The following CERS6 variants were observed in gnomAD, a reference collection of about 807,000 sequenced individuals.
CERS6 encodes ceramide synthase 6.
CERS6 carries 26 observed loss-of-function variants against 56.8 expected under a neutral mutation model. The ratio of observed to expected loss-of-function variants is 0.46; its 90% CI spans 0.34 to 0.63. The LOEUF is 0.63. Ranked by LOEUF, CERS6 falls within the 30% of genes least tolerant of loss-of-function variation. The pLI is 0.01. For missense variants in CERS6, 415 were observed against 467.5 expected, an observed-to-expected ratio of 0.89 and a Z score of 1.04; for synonymous variants, 164 against 173.3, an observed-to-expected ratio of 0.95 and a Z score of 0.42.
At chr2:168,722,797 G>T (rs1683219305) in intron 8 of CERS6, among the ~76,000 whole-genome samples, 1 of 152,176 alleles carries the variant, frequency 6.6e-6, no homozygotes, top group South Asian at 2.1e-4. Flanking sequence ...ATCCAAGGGA[G>T]TGTTGATTAT....
intron 3 of CERS6, among the ~76,000 whole-genome samples, chr2:168,592,160 T>C (rs555911833): frequency 4.0e-4 from 61 of 152,290 alleles, no homozygotes; most frequent in African/African-American, 1.4e-3. Context: ...CCAAAAGCCA[T>C]AGGGCTTCAA....
chr2:168,599,264 C>T (rs1026367810), intron 3 of CERS6, among the ~76,000 whole-genome samples: 1 of 152,176 alleles, frequency 6.6e-6, no homozygotes, highest in Non-Finnish European at 1.5e-5. Flanking sequence ...CCCCAATCCT[C>T]TCACATCCTA....
chr2:168,759,090 T>G (rs1684494647), intron 8 of CERS6, among the ~76,000 whole-genome samples: 1 of 152,122 alleles, frequency 6.6e-6, no homozygotes, highest in South Asian at 2.1e-4. Context: ...CATGGCCAAA[T>G]TAAATCTTAG....
intron 1 of CERS6, among the ~76,000 whole-genome samples, chr2:168,496,651 T>A (rs1161908913): frequency 6.6e-6 from 1 of 152,194 alleles, no homozygotes; most frequent in Non-Finnish European, 1.5e-5. Context: ...TAATTTTTTT[T>A]AATAAACCTG....
At chr2:168,479,375 T>A (rs1250636232) in intron 1 of CERS6, among the ~76,000 whole-genome samples, 1 of 152,140 alleles carries the variant, frequency 6.6e-6, no homozygotes, top group African/African-American at 2.4e-5. Context: ...TAGATATGCA[T>A]GTGTGTGTGT....
At chr2:168,607,482 A>G (rs1684080314) in intron 3 of CERS6, among the ~76,000 whole-genome samples, 1 of 152,166 alleles carries the variant, frequency 6.6e-6, no homozygotes. Context: ...CCCTGGTTCA[A>G]GCGATTCTCC....
intron 1 of CERS6, among the ~76,000 whole-genome samples, chr2:168,473,308 AC>A (rs905838427): frequency 4.6e-5 from 7 of 151,996 alleles, no homozygotes; most frequent in Non-Finnish European, 8.8e-5. Flanking sequence ...AAAAAAATTT[AC>A]CCTTTTATTG....
intron 1 of CERS6, among the ~76,000 whole-genome samples, chr2:168,514,479 C>T (rs1694851345): frequency 6.6e-6 from 1 of 152,180 alleles, no homozygotes; most frequent in Non-Finnish European, 1.5e-5. Flanking sequence ...TCCTGGGGGA[C>T]CCCACCTTCC....
At chr2:168,509,063 A>G (rs768483695) in intron 1 of CERS6, among the ~76,000 whole-genome samples, 1 of 152,112 alleles carries the variant, frequency 6.6e-6, no homozygotes, top group Non-Finnish European at 1.5e-5. Context: ...TTGTGTACTC[A>G]TACTGGCTAC....
chr2:168,753,753 T>A (rs1400136341), intron 8 of CERS6, among the ~76,000 whole-genome samples: 2 of 152,230 alleles, frequency 1.3e-5, no homozygotes, highest in Non-Finnish European at 2.9e-5. Flanking sequence ...CTTGTCAATA[T>A]TTAAATAAAA....
chr2:168,757,357 GAAA>G (rs11332737), intron 8 of CERS6, among the ~76,000 whole-genome samples: 2 of 113,150 alleles, frequency 1.8e-5, no homozygotes, highest in Non-Finnish European at 3.8e-5. Flanking sequence ...ACTTTTGGAG[GAAA>G]AAAAAAAAAA....
intron 1 of CERS6, among the ~76,000 whole-genome samples, chr2:168,487,549 C>T (rs1694297030): frequency 6.6e-6 from 1 of 152,206 alleles, no homozygotes. Context: ...TTATAAGTCT[C>T]ATACAATTAT....
At chr2:168,523,527 G>A (rs1695020360) in intron 1 of CERS6, among the ~76,000 whole-genome samples, 1 of 152,114 alleles carries the variant, frequency 6.6e-6, no homozygotes, top group South Asian at 2.1e-4. Context: ...GCCACACTGT[G>A]TACGACAGTG....
intron 4 of CERS6, among the ~76,000 whole-genome samples, chr2:168,645,140 TATAG>T (rs1207569525): frequency 1.7e-4 from 4 of 23,642 alleles, no homozygotes; most frequent in Admixed American, 1.3e-3. Context: ...TATATATATA[TATAG>T]AGAGAGAGAG....
At chr2:168,719,724 A>G (rs1408815040) in intron 8 of CERS6, among the ~76,000 whole-genome samples, 3 of 152,188 alleles carry the variant, frequency 2.0e-5, no homozygotes, top group East Asian at 3.8e-4. Context: ...AGCATACACC[A>G]TGATTAGCCT....
At chr2:168,459,885 G>A (rs1280925036) in intron 1 of CERS6, among the ~76,000 whole-genome samples, 1 of 152,142 alleles carries the variant, frequency 6.6e-6, no homozygotes, top group Non-Finnish European at 1.5e-5. Context: ...TGTGGAAATT[G>A]TGCTGAATCT....
chr2:168,589,854 C>T (rs1279439001), intron 3 of CERS6, among the ~76,000 whole-genome samples: 1 of 152,180 alleles, frequency 6.6e-6, no homozygotes, highest in East Asian at 1.9e-4. Flanking sequence ...TTCTTATGTG[C>T]ATATTTTATA....
intron 1 of CERS6, among the ~76,000 whole-genome samples, chr2:168,519,945 G>T (rs1694948294): frequency 2.6e-5 from 4 of 152,216 alleles, no homozygotes; most frequent in Admixed American, 2.6e-4. Context: ...TATTTACCCA[G>T]TTATAGGATT....
chr2:168,478,801 T>C (rs1195717167), intron 1 of CERS6, among the ~76,000 whole-genome samples: 2 of 152,240 alleles, frequency 1.3e-5, no homozygotes, highest in South Asian at 2.1e-4. Context: ...TCATCATTAG[T>C]CCTTTTAGAA....
Sources: gnomAD v4.1 joint callset for allele counts (sites outside exome capture counted in the v4.1 genomes callset) on GRCh38, gnomAD v4.1.1 for gene constraint, MANE v1.5 for transcripts, NCBI Gene and HGNC (gene_info 2026-07-23, HGNC 2026-07-21) for gene names.